The following STK32B variants were observed in gnomAD, a reference collection of about 807,000 sequenced individuals.
STK32B encodes serine/threonine-protein kinase 32B.
Under a neutral mutation model 52.6 loss-of-function variants are expected in STK32B, and 43 were observed. The ratio of observed to expected loss-of-function variants is 0.82; its 90% CI spans 0.64 to 1.05. The LOEUF (loss-of-function observed/expected upper bound fraction) is 1.05, where lower values mean the gene tolerates loss of function less well. Ranked by LOEUF, STK32B falls within the 50% of genes least tolerant of loss-of-function variation. The pLI is 0.00. For missense variants in STK32B, 621 were observed against 534.6 expected (o/e 1.16, Z -1.59); for synonymous variants, 238 against 204.3 (o/e 1.17, Z -1.41).
At chr4:5,100,624 C>A (rs1713696307) in intron 1 of STK32B, among the ~76,000 whole-genome samples, 1 of 48,510 alleles carries the variant, frequency 2.1e-5, no homozygotes, top group Admixed American at 2.6e-4. Flanking sequence ...CCTGCTTTTT[C>A]TTTCTTTCTC....
At chr4:5,411,301 C>A (rs1577460876) in intron 5 of STK32B, among the ~76,000 whole-genome samples, 1 of 152,082 alleles carries the variant, frequency 6.6e-6, no homozygotes, top group Non-Finnish European at 1.5e-5. Context: ...TCCCAAAGTG[C>A]TGGGATTACA....
At chr4:5,031,586 CTCCAAAAAAAAAA>C in the STK32B span, among the ~76,000 whole-genome samples, 1 of 150,614 alleles carries the variant, frequency 6.6e-6, no homozygotes, top group Admixed American at 6.6e-5. Flanking sequence ...GAGACTCTGT[CTCCAAAAAAAAAA>C]AGATAAATAT....
At chr4:5,329,150 G>A (rs1732064414) in intron 3 of STK32B, among the ~76,000 whole-genome samples, 1 of 152,186 alleles carries the variant, frequency 6.6e-6, no homozygotes, top group Non-Finnish European at 1.5e-5. Flanking sequence ...GGGCCTTTCA[G>A]CACAGAACAG....
At chr4:5,037,833 G>A in the STK32B span, among the ~76,000 whole-genome samples, 1 of 152,178 alleles carries the variant, frequency 6.6e-6, no homozygotes, top group African/African-American at 2.4e-5. Flanking sequence ...TCTTCATTGG[G>A]CTGTGAGGGT....
intron 11 of STK32B, among the ~76,000 whole-genome samples, chr4:5,489,630 TA>T (rs1213730687): frequency 6.6e-6 from 1 of 152,018 alleles, no homozygotes; most frequent in African/African-American, 2.4e-5. Flanking sequence ...TATTTTTTAT[TA>T]TTTTTTTTGA....
At chr4:5,236,314 C>T (rs919643905) in intron 3 of STK32B, among the ~76,000 whole-genome samples, 7 of 152,144 alleles carry the variant, frequency 4.6e-5, no homozygotes, top group Non-Finnish European at 8.8e-5. Flanking sequence ...CTCTCCTTTT[C>T]CCTAGTGAAT....
rs1368164464 is a variant in STK32B at position 5,137,826 on chromosome 4, G to A, written c.53-2079G>A. Among the ~76,000 whole-genome samples, 5 of 152,320 alleles carry A rather than the reference G, an allele frequency of 3.3e-5. No homozygotes were observed. In the South Asian group the frequency reaches 8.3e-4, roughly 25 times the overall value. On this transcript the variant is annotated intron_variant, in intron 1 of 11. Coordinates refer to ENST00000282908, the MANE Select transcript of STK32B (RefSeq NM_018401.3). ...CCAAGAGAGCAAGTGCATGAGCTGC[G>A]TGTCAAAGGCCAATGAAAAGTTTTT...
intron 3 of STK32B, among the ~76,000 whole-genome samples, chr4:5,249,950 C>T (rs768268955): frequency 1.7e-4 from 26 of 152,132 alleles, no homozygotes; most frequent in Admixed American, 9.8e-4. Flanking sequence ...TTGTTCCCTT[C>T]TTTGTATCCA....
chr4:5,398,304 A>G lies in STK32B; in HGVS notation c.472+60A>G, dbSNP rs1424997004. ...AGTGGAAAGTTTGAGGCACTGGGAA[A>G]TAGTGCGGGGGTGGGGGTTGGGTCT... On this transcript the variant is annotated intron_variant, in intron 5 of 11. Coordinates refer to ENST00000282908, the MANE Select transcript of STK32B (RefSeq NM_018401.3). This position sits in a 1 kb window ranked among gnomAD's most constrained non-coding sequence, Gnocchi z 4.9. 1.3e-6 allele frequency: 2 copies of G among 1,577,874 alleles called. No homozygotes were observed. Among genetic ancestry groups the G allele is most frequent in the Non-Finnish European group, 1.7e-6 (2 of 1,148,624 alleles).
At chr4:5,481,582 A>C (rs546639268) in intron 11 of STK32B, among the ~76,000 whole-genome samples, 18 of 152,068 alleles carry the variant, frequency 1.2e-4, no homozygotes, top group African/African-American at 3.6e-4. Context: ...GAAGCTCTTT[A>C]GTTTAATTAG....
intron 4 of STK32B, among the ~76,000 whole-genome samples, chr4:5,340,830 A>G (rs544604295): frequency 2.0e-5 from 3 of 152,336 alleles, no homozygotes; most frequent in South Asian, 4.1e-4. Flanking sequence ...ATATATATAA[A>G]TATAAACACC....
chr4:5,496,633 ATCT>A (rs1466903976), intron 11 of STK32B, among the ~76,000 whole-genome samples: 2 of 151,832 alleles, frequency 1.3e-5, no homozygotes, highest in African/African-American at 4.9e-5. Flanking sequence ...GAAATCACCC[ATCT>A]TCTGCGTCGC....
At chr4:5,144,783 C>CTCATTCATTCAT (rs71169681) in intron 2 of STK32B, among the ~76,000 whole-genome samples, 1,392 of 121,122 alleles carry the variant, frequency 0.011, 23 homozygotes, top group African/African-American at 0.058. Context: ...CACTCATTCA[C>CTCATTCATTCAT]TCATCCATCC....
chr4:5,481,487 C>G (rs1718703676), intron 11 of STK32B, among the ~76,000 whole-genome samples: 1 of 152,040 alleles, frequency 6.6e-6, no homozygotes, highest in African/African-American at 2.4e-5. Flanking sequence ...AATATTAGCC[C>G]ATTGTCAGAT....
At chr4:5,087,788 G>A (rs539770524) in intron 1 of STK32B, among the ~76,000 whole-genome samples, 1 of 150,280 alleles carries the variant, frequency 6.7e-6, no homozygotes, top group Non-Finnish European at 1.5e-5. Flanking sequence ...ATAGCCCCAA[G>A]ACGTATGAAG....
chr4:5,405,257 G>T (rs1193695356), intron 5 of STK32B, among the ~76,000 whole-genome samples: 2 of 151,670 alleles, frequency 1.3e-5, no homozygotes, highest in Non-Finnish European at 2.9e-5. Context: ...TGGAGTGAGG[G>T]ACTGCCCAAG....
chr4:5,313,579 A>G (rs1156713362), intron 3 of STK32B, among the ~76,000 whole-genome samples: 1 of 151,124 alleles, frequency 6.6e-6, no homozygotes, highest in Non-Finnish European at 1.5e-5. Context: ...CTATTTTCAG[A>G]TGGCATAGTT....
At chr4:5,410,580 C>G (rs1711582279) in intron 5 of STK32B, among the ~76,000 whole-genome samples, 1 of 152,154 alleles carries the variant, frequency 6.6e-6, no homozygotes, top group African/African-American at 2.4e-5. Context: ...CCTCTTCTCC[C>G]AGGCTGTGGT....
chr4:5,438,635 G>C (rs142909022), intron 6 of STK32B, among the ~76,000 whole-genome samples: 1 of 152,224 alleles, frequency 6.6e-6, no homozygotes, highest in Non-Finnish European at 1.5e-5. Flanking sequence ...AAGTTTTAGG[G>C]TACATGTGCA....
Sources: gnomAD v4.1 joint callset for allele counts (sites outside exome capture counted in the v4.1 genomes callset) on GRCh38, gnomAD v4.1.1 for gene constraint, Gnocchi (gnomAD v3.1) non-coding constraint, MANE v1.5 for transcripts, NCBI Gene and HGNC (gene_info 2026-07-23, HGNC 2026-07-21) for gene names.